Variants in CDK12 observed in about 807,000 individuals in gnomAD.
CDK12 encodes cyclin-dependent kinase 12.
In CDK12, 17 loss-of-function variants were observed where a neutral mutation model predicts 133.8. That is an observed-to-expected ratio of 0.13 (90% CI 0.09 to 0.19). CDK12 has a LOEUF of 0.19. Ranked by LOEUF, CDK12 falls within the 10% of genes least tolerant of loss-of-function variation. The pLI is 1.00. For synonymous variants in CDK12, 694 were observed against 683.6 expected (o/e 1.02, Z -0.24); for missense variants, 1,508 against 1,818.7 (o/e 0.83, Z 3.11).
upstream of CDK12, among the ~76,000 whole-genome samples, chr17:39,545,201 C>T (rs956148737): frequency 7.9e-5 from 12 of 152,060 alleles, no homozygotes; most frequent in African/African-American, 2.9e-4. Flanking sequence ...GCCCACAACC[C>T]CATCTATATA....
intron 2 of CDK12, among the ~76,000 whole-genome samples, chr17:39,483,691 TTTATTTATTTA>T (rs1362021917): frequency 3.1e-5 from 3 of 97,648 alleles, no homozygotes; most frequent in African/African-American, 2.4e-4. Flanking sequence ...ACAGTTACAA[TTTATTTATTTA>T]TTTATTTATT....
At position 39,520,549 on chromosome 17, in the gene CDK12, C is replaced by T. The variant is rs570549111; in HGVS notation, c.3095+462C>T. ...GGGACTACAGACACACACCACCACA[C>T]CCAGCTAATTTTTGTATTTTTAGTA... On this transcript the variant is annotated intron_variant, in intron 11 of 13. Coordinates refer to ENST00000447079, the MANE Select transcript of CDK12 (RefSeq NM_016507.4). Among the ~76,000 whole-genome samples the T allele has an allele frequency of 1.1e-4, 16 of 152,208 alleles. 1 individual carries two copies. The South Asian group carries it at 3.1e-3, about 30-fold the overall frequency.
chr17:39,512,993 A>G (rs1389284489), intron 8 of CDK12, among the ~76,000 whole-genome samples: 1 of 152,164 alleles, frequency 6.6e-6, no homozygotes, highest in East Asian at 1.9e-4. Flanking sequence ...TATTCAGGTT[A>G]TATTTTGAGT....
chr17:39,501,855 T>G (rs2052739156), intron 6 of CDK12, among the ~76,000 whole-genome samples: 1 of 152,100 alleles, frequency 6.6e-6, no homozygotes, highest in Admixed American at 6.6e-5. Context: ...TTTGTTTTTT[T>G]TTTTTGAAGA....
At chr17:39,545,705 G>C (rs1344173150), upstream of CDK12, among the ~76,000 whole-genome samples, 1 of 141,748 alleles carries the variant, frequency 7.1e-6, no homozygotes, top group East Asian at 2.1e-4. Context: ...TCACCATGTT[G>C]GCCAGGCTGG....
intron 2 of CDK12, among the ~76,000 whole-genome samples, chr17:39,556,033 CAA>C (rs145940269): frequency 5.9e-4 from 43 of 72,332 alleles, no homozygotes; most frequent in Admixed American, 1.1e-3. Context: ...GACCCTGTCT[CAA>C]AAAAAAAAAA....
chr17:39,531,524 T>C lies in CDK12; in HGVS notation c.*208T>C, dbSNP rs747796279. ...GCACCAGTTCCCCCTGGATGGGCTA[T>C]AGCCAGAACATTTACTTCAACTCTA... On this transcript the variant is annotated 3_prime_UTR_variant, in exon 14 of 14. Coordinates refer to ENST00000447079, the MANE Select transcript of CDK12 (RefSeq NM_016507.4). 1.7e-5 allele frequency: 7 copies of C among 423,074 alleles called. No individual in the cohort carries two copies. Among genetic ancestry groups the C allele is most frequent in the Non-Finnish European group, 2.5e-5 (6 of 241,776 alleles). The allele number at this position is 423,074 out of a possible 1,614,324, so 26.2% of individuals were successfully genotyped here. A position where few individuals can be genotyped will look rare whatever the true frequency, so the allele number is the denominator to read the frequency against.
At chr17:39,490,172 G>C (rs2145811421) in intron 2 of CDK12, among the ~76,000 whole-genome samples, 2 of 150,894 alleles carry the variant, frequency 1.3e-5, no homozygotes, top group East Asian at 3.9e-4. Context: ...TTCAAGACCA[G>C]CCTGGCAAAC....
At chr17:39,515,876 C>A in intron 9 of CDK12, 68 bp downstream of exon 9, 1 of 991,618 alleles carries the variant, frequency 1.0e-6, no homozygotes, top group Non-Finnish European at 1.5e-6. Flanking sequence ...GTTTCTAACA[C>A]TTTCTAGTCA....
At chr17:39,563,903 T>C (rs1236438327) in intron 3 of CDK12, among the ~76,000 whole-genome samples, 1 of 152,188 alleles carries the variant, frequency 6.6e-6, no homozygotes, top group Non-Finnish European at 1.5e-5. Flanking sequence ...CACTCACTTA[T>C]ACTTGACATA....
chr17:39,566,479 C>T (rs1243418740), downstream of CDK12, among the ~76,000 whole-genome samples: 1 of 152,060 alleles, frequency 6.6e-6, no homozygotes, highest in Non-Finnish European at 1.5e-5. Context: ...AAGACAGCAG[C>T]CCTACCGACA....
intron 13 of CDK12, among the ~76,000 whole-genome samples, chr17:39,527,791 C>G: frequency 6.6e-6 from 1 of 152,226 alleles, no homozygotes; most frequent in East Asian, 1.9e-4. Context: ...AGGTGATCTG[C>G]CCGCCTCAGC....
intron 2 of CDK12, among the ~76,000 whole-genome samples, chr17:39,473,278 A>AC (rs905160317): frequency 3.9e-5 from 6 of 152,154 alleles, no homozygotes; most frequent in African/African-American, 1.4e-4. Flanking sequence ...TTAAAAAAAA[A>AC]GAAATTATTC....
intron 11 of CDK12, among the ~76,000 whole-genome samples, chr17:39,522,312 C>T (rs1183990822): frequency 1.3e-5 from 2 of 152,100 alleles, no homozygotes; most frequent in African/African-American, 4.8e-5. Context: ...GTCTTGAAGT[C>T]CCGACCTCAG....
intron 4 of CDK12, among the ~76,000 whole-genome samples, chr17:39,493,092 A>G (rs983554030): frequency 1.3e-5 from 2 of 151,490 alleles, no homozygotes; most frequent in Non-Finnish European, 2.9e-5. Context: ...TCCTGGGTTC[A>G]CACCATTCTC....
At chr17:39,483,519 C>T (rs1235615213) in intron 2 of CDK12, among the ~76,000 whole-genome samples, 3 of 152,110 alleles carry the variant, frequency 2.0e-5, no homozygotes, top group East Asian at 1.9e-4. Flanking sequence ...CTTCCTTGGC[C>T]TTCTAAAGTG....
chr17:39,498,923 C>CTTTCTTTCTTTCTTTT (rs2052376146), intron 5 of CDK12, among the ~76,000 whole-genome samples: 1 of 266 alleles, frequency 3.8e-3, no homozygotes. Context: ...TTCTTTCTTT[C>CTTTCTTTCTTTCTTTT]TTTCTTTCTT....
rs766001736 is a variant in CDK12 at position 39,471,480 on chromosome 17, C to G, written c.1648C>G (p.Pro550Ala). 7 of 1,613,840 alleles carry G rather than the reference C, an allele frequency of 4.3e-6. No homozygotes were observed. Among genetic ancestry groups the G allele is most frequent in the Middle Eastern group, 1.6e-4 (1 of 6,062 alleles). Residue 550 changes from proline (P) to alanine (A), a missense_variant, in exon 2 of 14, where the codon CCT becomes GCT. Coordinates refer to ENST00000447079, the MANE Select transcript of CDK12 (RefSeq NM_016507.4). ...PTTTPPPQTP[P>A]LPPLPPIPAL... ...TACTACCCCTCCACCTCAGACACCC[C>G]CTTTGCCACCTTTGCCTCCAATACC...
At chr17:39,481,810 T>C (rs1161792157) in intron 2 of CDK12, among the ~76,000 whole-genome samples, 2 of 150,894 alleles carry the variant, frequency 1.3e-5, no homozygotes, top group Non-Finnish European at 2.9e-5. Flanking sequence ...AACCTCCGCC[T>C]CCCGGGTTGA....
Sources: gnomAD v4.1 joint callset for allele counts (sites outside exome capture counted in the v4.1 genomes callset) on GRCh38, gnomAD v4.1.1 for gene constraint, MANE v1.5 for transcripts, NCBI Gene and HGNC (gene_info 2026-07-23, HGNC 2026-07-21) for gene names.